Variants in ZZEF1 observed in about 807,000 individuals in gnomAD.
The protein encoded by ZZEF1 is zinc finger ZZ-type and EF-hand domain-containing protein 1.
In ZZEF1, 157 loss-of-function variants were observed where a neutral mutation model predicts 342.8. The ratio of observed to expected loss-of-function variants is 0.46; its 90% CI spans 0.40 to 0.52. The LOEUF (loss-of-function observed/expected upper bound fraction) is 0.52. Ranked by LOEUF, ZZEF1 falls within the 20% of genes least tolerant of loss-of-function variation. ZZEF1 has a pLI of 0.00. For missense variants in ZZEF1, 3,480 were observed against 3,725.6 expected, an observed-to-expected ratio of 0.93 and a Z score of 1.72; for synonymous variants, 1,505 against 1,429.1, an observed-to-expected ratio of 1.05 and a Z score of -1.20.
At chr17:4,045,667 C>T (rs1256214526) in intron 37 of ZZEF1, among the ~76,000 whole-genome samples, 1 of 152,086 alleles carries the variant, frequency 6.6e-6, no homozygotes, top group Non-Finnish European at 1.5e-5. Flanking sequence ...ATAGAATTTG[C>T]CTTTGTTAAT....
chr17:4,045,307 A>G (rs2056890595), intron 37 of ZZEF1, among the ~76,000 whole-genome samples: 1 of 152,230 alleles, frequency 6.6e-6, no homozygotes, highest in South Asian at 2.1e-4. Context: ...AGTTGTTCCC[A>G]GAGGAAAAAG....
At chr17:4,097,114 A>T (rs2058048079) in intron 9 of ZZEF1, among the ~76,000 whole-genome samples, 2 of 151,962 alleles carry the variant, frequency 1.3e-5, no homozygotes, top group Admixed American at 1.3e-4. Flanking sequence ...ACAAAAAATT[A>T]TCCAGGTGTG....
intron 17 of ZZEF1, 92 bp downstream of exon 17, chr17:4,082,345 C>T: frequency 8.0e-7 from 1 of 1,252,990 alleles, no homozygotes; most frequent in Admixed American, 1.9e-5. Flanking sequence ...GGAAGTACTA[C>T]TTCGAAGGCA....
chr17:4,068,928 T>C (rs190856293), intron 26 of ZZEF1, among the ~76,000 whole-genome samples: 2 of 152,316 alleles, frequency 1.3e-5, no homozygotes, highest in East Asian at 1.9e-4. Flanking sequence ...AACTCAGAAA[T>C]AGTCCTTAGA....
At chr17:4,064,335 C>T (rs763094761) in intron 29 of ZZEF1, 26 bp downstream of exon 29, 35 of 1,536,042 alleles carry the variant, frequency 2.3e-5, no homozygotes, top group African/African-American at 6.9e-5. Context: ...AAAGAGAAAG[C>T]GACAGGAAGG....
chr17:4,026,048 G>A (rs896033814), intron 42 of ZZEF1, among the ~76,000 whole-genome samples: 28 of 152,320 alleles, frequency 1.8e-4, no homozygotes, highest in African/African-American at 6.3e-4. Context: ...TGCAGAGAGA[G>A]AGGGGTGGGT....
intron 6 of ZZEF1, among the ~76,000 whole-genome samples, chr17:4,107,230 A>G (rs1374412217): frequency 6.6e-6 from 1 of 152,238 alleles, no homozygotes; most frequent in Non-Finnish European, 1.5e-5. Flanking sequence ...TGAAAATATC[A>G]TTGCAGATGA....
At chr17:4,031,566 A>G (rs2056549064) in intron 42 of ZZEF1, among the ~76,000 whole-genome samples, 1 of 152,150 alleles carries the variant, frequency 6.6e-6, no homozygotes, top group Non-Finnish European at 1.5e-5. Context: ...ACATACACGA[A>G]AACAGCACAG....
At position 4,034,310 on chromosome 17, in the gene ZZEF1, GA is replaced by G; in HGVS notation, c.6307-19del. ...GTGGGGCCCTGCCAAGAGAGGGAGAGAAATCTGTTCAGTACAAAATCCACAT... is the reference window on the plus strand; with the variant it reads ...GTGGGGCCCTGCCAAGAGAGGGAGAGAATCTGTTCAGTACAAAATCCACAT... On this transcript the variant is annotated intron_variant, in intron 39 of 54. Transcript: ENST00000381638. The G allele has an allele frequency of 6.2e-7, 1 of 1,613,394 alleles. No homozygotes were observed. The highest frequency in any genetic ancestry group is 1.1e-5 in the South Asian group (1 of 91,040).
At chr17:4,033,839 A>C in intron 40 of ZZEF1, 176 bp downstream of exon 40, 1 of 795,156 alleles carries the variant, frequency 1.3e-6, no homozygotes, top group East Asian at 2.6e-5. Flanking sequence ...TGTTAAGCAC[A>C]GTTTTAATGT....
At chr17:4,059,367 T>C in intron 30 of ZZEF1, 77 bp from the exon 31 acceptor site, 1 of 1,539,892 alleles carries the variant, frequency 6.5e-7, no homozygotes, top group Non-Finnish European at 8.7e-7. Flanking sequence ...ATTTCTTACA[T>C]GAAAAAGAGC....
At chr17:4,031,596 C>T (rs987820677) in intron 42 of ZZEF1, among the ~76,000 whole-genome samples, 4 of 152,236 alleles carry the variant, frequency 2.6e-5, no homozygotes, top group African/African-American at 7.2e-5. Flanking sequence ...AATGCTGATG[C>T]TGAGTGAAAA....
At chr17:4,095,058 C>T (rs1049401062) in intron 11 of ZZEF1, among the ~76,000 whole-genome samples, 1 of 152,186 alleles carries the variant, frequency 6.6e-6, no homozygotes, top group Non-Finnish European at 1.5e-5. Context: ...GCCCTGAATG[C>T]CCTGCCCTTT....
In ZZEF1 at chr17:4,014,157, G is replaced by A. The variant is rs1245409720; in HGVS notation, c.8346C>T (p.Asp2782=). ...GDTLYYRFTS[D]MSNTEWGYRF... ...TGTAGCCCCACTCGGTGTTGCTCAT[G>A]TCGGAGGTGAAGCGGTAATACAGAG... The change falls in exon 51 of 55, where the codon GAC becomes GAT. Residue 2782 remains aspartate, a synonymous_variant. Coordinates refer to ENST00000381638, the MANE Select transcript of ZZEF1 (RefSeq NM_015113.4). The surrounding 1 kb of genome is among the most constrained non-coding windows in gnomAD (Gnocchi z 4.4). 9.3e-6 allele frequency: 15 copies of A among 1,614,212 alleles called. No homozygotes were observed. The highest frequency in any genetic ancestry group is 1.2e-5 in the Non-Finnish European group (14 of 1,180,044).
At chr17:4,020,045 A>G (rs2056227404) in intron 45 of ZZEF1, 1 of 320,130 alleles carries the variant, frequency 3.1e-6, no homozygotes, top group East Asian at 6.9e-5. Flanking sequence ...GACAGTAGAT[A>G]CTTACCACAT....
rs754232416 is a variant in ZZEF1, at chr17:4,078,015, G to A, written c.2857C>T (p.Pro953Ser). 2 of 1,613,928 alleles carry A rather than the reference G, an allele frequency of 1.2e-6. No individual in the cohort carries two copies. Among genetic ancestry groups the A allele is most frequent in the South Asian group, 1.1e-5 (1 of 91,078 alleles). Residue 953 changes from proline (P) to serine (S), a missense_variant, in exon 19 of 55, where the codon CCA becomes TCA. By Grantham distance (74) the Pro-to-Ser change is moderately conservative. Around this residue, in one of 5 missense-constraint regions of ZZEF1, gnomAD observed 1,528 missense variants for 1,624.1 expected, o/e 0.94. Transcript: ENST00000381638. ...AAGAGCACAGAGCCCACCTCCCCTG[G>A]GGCCCCACTGAGCATTAACAGCTCG... ...ECELLMLSGA[P>S]GEVGSVLFSL...
chr17:4,110,791 T>C (rs1309297232), intron 5 of ZZEF1, among the ~76,000 whole-genome samples: 2 of 147,910 alleles, frequency 1.4e-5, no homozygotes, highest in Non-Finnish European at 3.0e-5. Context: ...CTCAGCTCAC[T>C]GCAACCTCCG....
chr17:4,021,299 AG>A lies in ZZEF1; in HGVS notation c.7233del (p.Ser2412ProfsTer15). Reference protein sequence around the residue: ...RDLEILSIMLYSSKKEINALA... With the variant: ...RDLEILSIMLXSSKKEINALA... ...AAAGCGTTGATCTCCTTTTTTGAGG[AG>A]TACAGCATGATGGACAAAATCTACA... On this transcript the variant is annotated frameshift_variant, in exon 45 of 55. Coordinates refer to ENST00000381638, the MANE Select transcript of ZZEF1 (RefSeq NM_015113.4). LOFTEE classifies it high-confidence loss of function. The A allele has an allele frequency of 6.2e-7, 1 of 1,610,748 alleles. No homozygotes were observed. Among genetic ancestry groups the A allele is most frequent in the Non-Finnish European group, 8.5e-7 (1 of 1,178,550 alleles).
intron 45 of ZZEF1, 89 bp downstream of exon 45, chr17:4,021,040 T>G: frequency 7.2e-7 from 1 of 1,396,532 alleles, no homozygotes; most frequent in African/African-American, 1.4e-5. Flanking sequence ...CAGAAGCATT[T>G]TCATGTTTAG....
Sources: gnomAD v4.1 joint callset for allele counts (sites outside exome capture counted in the v4.1 genomes callset) on GRCh38, gnomAD v4.1.1 for gene constraint, gnomAD v4.1.1 regional missense constraint, Gnocchi (gnomAD v3.1) non-coding constraint, MANE v1.5 for transcripts, NCBI Gene and HGNC (gene_info 2026-07-23, HGNC 2026-07-21) for gene names.